Variants in ARAP2 observed in about 807,000 individuals in gnomAD.
ARAP2 encodes the protein arf-GAP with Rho-GAP domain, ANK repeat and PH domain-containing protein 2.
In ARAP2, 148 loss-of-function variants were observed where a neutral mutation model predicts 194.5. The ratio of observed to expected loss-of-function variants is 0.76; its 90% CI spans 0.67 to 0.87. The LOEUF is 0.87. ARAP2 is among the 40% of genes least tolerant of loss of function. ARAP2 has a pLI of 0.00. For synonymous variants in ARAP2, 695 were observed against 683.5 expected (o/e 1.02, Z -0.26); for missense variants, 2,128 against 1,989.7 (o/e 1.07, Z -1.32).
rs1747467247 is a variant in ARAP2 at position 36,214,474 on chromosome 4, G to A, written c.912C>T (p.Phe304=). The A allele has an allele frequency of 6.3e-7, 1 of 1,592,398 alleles. No individual in the cohort carries two copies. Among genetic ancestry groups the A allele is most frequent in the Non-Finnish European group, 8.6e-7 (1 of 1,167,096 alleles). ...GSTKGVSGSY[F]RERRNVATST... ...AGGTAGCAACATTTCTTCTTTCACG[G>A]AAATAGCTTAAAAAGCAAAGGAGAA... The change falls in exon 3 of 33, where the codon TTC becomes TTT. Residue 304 remains phenylalanine, a synonymous_variant. Coordinates refer to ENST00000303965, the MANE Select transcript of ARAP2 (RefSeq NM_015230.4).
intron 6 of ARAP2, among the ~76,000 whole-genome samples, chr4:36,018,550 G>A (rs1027241350): frequency 6.6e-6 from 1 of 151,788 alleles, no homozygotes; most frequent in African/African-American, 2.4e-5. Flanking sequence ...CATTATAAAT[G>A]AGAGCACCAC....
chr4:36,014,122 G>A (rs1291414406), intron 8 of ARAP2, among the ~76,000 whole-genome samples: 2 of 151,442 alleles, frequency 1.3e-5, no homozygotes, highest in African/African-American at 2.4e-5. Context: ...CAGCTACTTG[G>A]GGGACTGAGG....
downstream of ARAP2, among the ~76,000 whole-genome samples, chr4:36,064,578 T>C (rs1725084527): frequency 1.3e-5 from 2 of 152,188 alleles, no homozygotes. Context: ...GTCCTGCAGC[T>C]CAGGTGGGCT....
chr4:36,117,248 T>C (rs1721584523), intron 24 of ARAP2, 113 bp from the exon 25 acceptor site: 3 of 704,090 alleles, frequency 4.3e-6, no homozygotes, highest in South Asian at 2.4e-5. Context: ...TTTATAACAA[T>C]GAAACAAGCT....
Position 36,080,283 on chromosome 4 carries a change from C to A in ARAP2, c.4545-4G>T, listed in dbSNP as rs1262016832. 6.2e-7 allele frequency: 1 copy of A among 1,611,124 alleles called. No homozygotes were observed. Among genetic ancestry groups the A allele is most frequent in the African/African-American group, 1.3e-5 (1 of 74,812 alleles). ...TGAACTATCACAACACAGGTGCCTG[C>A]AAAACGAGGTTTATAAACTATGTCA... On this transcript the variant is annotated splice_region_variant and splice_polypyrimidine_tract_variant and intron_variant, in intron 30 of 32. Transcript: ENST00000303965.
At chr4:36,013,395 G>C (rs576830302) in intron 8 of ARAP2, among the ~76,000 whole-genome samples, 1 of 152,134 alleles carries the variant, frequency 6.6e-6, no homozygotes, top group Non-Finnish European at 1.5e-5. Context: ...CTACTAAAAA[G>C]GGTGAGGAAT....
chr4:36,151,012 C>T lies in ARAP2; in HGVS notation c.2785G>A (p.Gly929Ser). ...TCATTTTCATAGTAACTCAAGAAGC[C>T]TCCTTCCAAAACACACCATTTTTTA... ...TNKKWCVLEGGFLSYYENDKS... is the reference protein window; with the variant it reads ...TNKKWCVLEGSFLSYYENDKS... The change falls in exon 16 of 33, where the codon GGC becomes AGC. Residue 929 changes from glycine to serine, a missense_variant. Gly to Ser is a moderately conservative substitution (Grantham distance 56). Coordinates refer to ENST00000303965, the MANE Select transcript of ARAP2 (RefSeq NM_015230.4). 4.3e-6 allele frequency: 7 copies of T among 1,609,584 alleles called. No individual in the cohort carries two copies. Among genetic ancestry groups the T allele is most frequent in the Non-Finnish European group, 5.1e-6 (6 of 1,178,372 alleles).
chr4:36,182,271 T>C (rs889367368), intron 8 of ARAP2, among the ~76,000 whole-genome samples: 2 of 152,034 alleles, frequency 1.3e-5, no homozygotes, highest in Admixed American at 6.6e-5. Context: ...GGCTGGCAAA[T>C]CACGAGGTCA....
rs750238136 is a variant in ARAP2, at chr4:36,091,964, A to G, written c.4342T>C (p.Ser1448Pro). 3.7e-6 allele frequency: 6 copies of G among 1,608,174 alleles called. No homozygotes were observed. In the East Asian group the frequency reaches 1.3e-4, roughly 36 times the overall value. Residue 1448 changes from serine to proline, a missense_variant, in exon 28 of 33, where the codon TCC (serine) becomes CCC (proline). Physicochemically the swap from Ser to Pro is moderately conservative, Grantham distance 74. Transcript: ENST00000303965. ...AACTTATTTCCAGATAGTATTTTGG[A>G]TGGTTCTTCTTTGATTTTCAAGATT... ...EGILKIKEEPSKILSGNKFQD... is the reference protein window; with the variant it reads ...EGILKIKEEPPKILSGNKFQD...
At chr4:36,181,214 T>C (rs1003653828) in intron 8 of ARAP2, among the ~76,000 whole-genome samples, 1 of 152,206 alleles carries the variant, frequency 6.6e-6, no homozygotes, top group African/African-American at 2.4e-5. Context: ...GACCTACATA[T>C]GGCTTGGCTC....
At chr4:36,064,017 T>C (rs1724916831), downstream of ARAP2, among the ~76,000 whole-genome samples, 1 of 152,232 alleles carries the variant, frequency 6.6e-6, no homozygotes, top group Non-Finnish European at 1.5e-5. Context: ...TCATAAGTCA[T>C]ATTTTTGCTT....
At chr4:36,157,122 C>T (rs1578109073) in intron 15 of ARAP2, among the ~76,000 whole-genome samples, 1 of 152,236 alleles carries the variant, frequency 6.6e-6, no homozygotes, top group Non-Finnish European at 1.5e-5. Context: ...CTGCAGAATG[C>T]TTACAACATA....
At chr4:36,135,251 T>A (rs1726407773) in intron 19 of ARAP2, among the ~76,000 whole-genome samples, 1 of 151,744 alleles carries the variant, frequency 6.6e-6, no homozygotes, top group Admixed American at 6.6e-5. Flanking sequence ...GGGCCAGGTG[T>A]GGGTAATAAG....
chr4:36,160,875 C>T (rs1733742725), intron 12 of ARAP2, among the ~76,000 whole-genome samples: 1 of 152,078 alleles, frequency 6.6e-6, no homozygotes, highest in Non-Finnish European at 1.5e-5. Flanking sequence ...GAAAGAATTG[C>T]AAACAACACA....
chr4:36,104,124 C>T (rs553589877), intron 27 of ARAP2, among the ~76,000 whole-genome samples: 1 of 151,854 alleles, frequency 6.6e-6, no homozygotes, highest in South Asian at 2.1e-4. Context: ...TAGGGCAACT[C>T]TATGTTTTAA....
chr4:36,200,346 C>G (rs1744114498), intron 6 of ARAP2, among the ~76,000 whole-genome samples: 1 of 152,050 alleles, frequency 6.6e-6, no homozygotes, highest in Non-Finnish European at 1.5e-5. Context: ...ACCTCCACCT[C>G]CTAGGTTCAA....
At chr4:36,133,108 A>T (rs1725814022) in intron 20 of ARAP2, 118 bp downstream of exon 20, 4 of 956,962 alleles carry the variant, frequency 4.2e-6, no homozygotes, top group Non-Finnish European at 5.9e-6. Flanking sequence ...TTTATTTTTC[A>T]CTAGGATACT....
intron 9 of ARAP2, among the ~76,000 whole-genome samples, chr4:36,009,593 A>G (rs1272139099): frequency 6.6e-6 from 1 of 152,124 alleles, no homozygotes; most frequent in Non-Finnish European, 1.5e-5. Context: ...AAACCTCAAC[A>G]TCACACAATA....
At chr4:36,100,805 T>A (rs1254546462) in intron 27 of ARAP2, among the ~76,000 whole-genome samples, 1 of 151,962 alleles carries the variant, frequency 6.6e-6, no homozygotes, top group Non-Finnish European at 1.5e-5. Context: ...AGAACACTAA[T>A]GGGGGAGCAT....
Sources: gnomAD v4.1 joint callset for allele counts (sites outside exome capture counted in the v4.1 genomes callset) on GRCh38, gnomAD v4.1.1 for gene constraint, MANE v1.5 for transcripts, NCBI Gene and HGNC (gene_info 2026-07-23, HGNC 2026-07-21) for gene names.